The following ADAT2 variants were observed in gnomAD, a reference collection of about 807,000 sequenced individuals.
The protein encoded by ADAT2 is tRNA-specific adenosine-34 deaminase catalytic subunit ADAT2.
ADAT2 carries 26 observed loss-of-function variants against 25.9 expected under a neutral mutation model. That is an observed-to-expected ratio of 1.00 (90% confidence interval 0.74 to 1.39). The LOEUF (loss-of-function observed/expected upper bound fraction) is 1.39. Among genes scored for constraint, ADAT2 ranks in the 40% most tolerant of loss-of-function variants. The pLI is 0.00. For missense variants in ADAT2, 220 were observed against 244.8 expected, an observed-to-expected ratio of 0.90 and a Z score of 0.68; for synonymous variants, 76 against 86.8, an observed-to-expected ratio of 0.88 and a Z score of 0.69.
In ADAT2 at chr6:143,450,686, C is replaced by T. The variant is rs568215408; in HGVS notation, c.-28G>A. ...CCAGCCACCACTCAGCTACAGAGCC[C>T]GCGGCAGAGGAGGAGCGCGGGCAGC... On this transcript the variant is annotated 5_prime_UTR_variant, in exon 1 of 6. Coordinates refer to ENST00000237283, the MANE Select transcript of ADAT2 (RefSeq NM_182503.3). 55 of 1,609,264 alleles carry T rather than the reference C, an allele frequency of 3.4e-5. No individual in the cohort carries two copies. The highest frequency in any genetic ancestry group is 4.4e-5 in the Non-Finnish European group (52 of 1,178,494).
chr6:143,439,681 AG>A (rs780835454), intron 1 of ADAT2, among the ~76,000 whole-genome samples: 16 of 152,200 alleles, frequency 1.1e-4, no homozygotes, highest in Non-Finnish European at 1.5e-4. Flanking sequence ...TTCATGGAGG[AG>A]GATGTGCAGA....
chr6:143,428,449 T>G lies in ADAT2; in HGVS notation c.*14A>C. 1 of 1,612,622 alleles carries G rather than the reference T, an allele frequency of 6.2e-7. No homozygotes were observed. Among genetic ancestry groups the G allele is most frequent in the Non-Finnish European group, 8.5e-7 (1 of 1,179,774 alleles). On this transcript the variant is annotated 3_prime_UTR_variant, in exon 6 of 6. Transcript: ENST00000237283. The surrounding 1 kb of genome is among the most constrained non-coding windows in gnomAD (Gnocchi z 5.0). Reference sequence around the variant, plus strand: ...GGTCACTTTGGGTCACTTGGTTCTTTCATCAGAACATGTTCAAGATTTCTG... The same window carrying G: ...GGTCACTTTGGGTCACTTGGTTCTTGCATCAGAACATGTTCAAGATTTCTG...
chr6:143,443,607 G>A (rs748211631), intron 1 of ADAT2, among the ~76,000 whole-genome samples: 3 of 152,082 alleles, frequency 2.0e-5, no homozygotes, highest in Non-Finnish European at 4.4e-5. Flanking sequence ...AAGGCAGGTG[G>A]ATCATCTTAG....
At position 143,423,831 on chromosome 6, in the gene ADAT2, A is replaced by C. The variant is rs1778850693; in HGVS notation, c.*4632T>G. The C allele has an allele frequency of 6.6e-6, 1 of 152,180 alleles. No homozygotes were observed. Among genetic ancestry groups the C allele is most frequent in the South Asian group, 2.1e-4 (1 of 4,826 alleles). The allele number at this position is 152,180 out of a possible 1,614,324, so 9.4% of individuals were successfully genotyped here. ...ATATTGGGGATGTGGGATTCTCTCTAAACTAGCTTAGCAGGATTCTTGCTA... is the reference window on the plus strand; with the variant it reads ...ATATTGGGGATGTGGGATTCTCTCTCAACTAGCTTAGCAGGATTCTTGCTA... On this transcript the variant is annotated 3_prime_UTR_variant, in exon 6 of 6. Coordinates refer to ENST00000237283, the MANE Select transcript of ADAT2 (RefSeq NM_182503.3).
At chr6:143,449,206 C>A (rs1336412162) in intron 1 of ADAT2, among the ~76,000 whole-genome samples, 1 of 152,112 alleles carries the variant, frequency 6.6e-6, no homozygotes, top group African/African-American at 2.4e-5. Context: ...TGCCACCATG[C>A]CCTACTAATT....
intron 2 of ADAT2, 134 bp downstream of exon 2, chr6:143,438,456 C>T (rs372106046): frequency 2.5e-5 from 13 of 527,076 alleles, no homozygotes; most frequent in South Asian, 2.1e-4. Context: ...AAAAGAGAGA[C>T]GTTAAGAAAA....
rs1779144060 is a variant in ADAT2 at position 143,432,491 on chromosome 6, G to A, written c.459+14C>T. ...AATTAGCAAGAAAGAAAAAGCATAA[G>A]CAGTTTGTATTACCTGAAATGGTCT... On this transcript the variant is annotated intron_variant, in intron 4 of 5. Coordinates refer to ENST00000237283, the MANE Select transcript of ADAT2 (RefSeq NM_182503.3). The surrounding 1 kb of genome is among the most constrained non-coding windows in gnomAD (Gnocchi z 4.4). 6 of 1,604,102 alleles carry A rather than the reference G, an allele frequency of 3.7e-6. No homozygotes were observed. Among genetic ancestry groups the A allele is most frequent in the Non-Finnish European group, 5.1e-6 (6 of 1,170,882 alleles).
Position 143,427,935 on chromosome 6 carries a change from C to T in ADAT2, c.*528G>A, listed in dbSNP as rs936802293. 2.0e-5 allele frequency: 3 copies of T among 152,382 alleles called. No homozygotes were observed. The highest frequency in any genetic ancestry group is 6.5e-5 in the Admixed American group (1 of 15,302). The allele number at this position is 152,382 out of a possible 1,614,324, so 9.4% of individuals were successfully genotyped here. ...ATGCTTTATAAAAGCAAAGTCTTTT[C>T]TAAGGACCATATAATTATGGTCTCT... On this transcript the variant is annotated 3_prime_UTR_variant, in exon 6 of 6. Coordinates refer to ENST00000237283, the MANE Select transcript of ADAT2 (RefSeq NM_182503.3).
chr6:143,438,328 C>T (rs1562641186), intron 2 of ADAT2, among the ~76,000 whole-genome samples: 1 of 152,072 alleles, frequency 6.6e-6, no homozygotes, highest in Non-Finnish European at 1.5e-5. Flanking sequence ...GAGTAAAACT[C>T]TATGAAACAG....
intron 1 of ADAT2, among the ~76,000 whole-genome samples, chr6:143,441,162 T>C (rs193109797): frequency 1.6e-3 from 246 of 152,330 alleles, no homozygotes; most frequent in African/African-American, 5.6e-3. Context: ...TAAACTTGTG[T>C]TGTTTTTAGC....
intron 3 of ADAT2, 102 bp downstream of exon 3, chr6:143,433,729 C>T: frequency 3.2e-6 from 4 of 1,249,490 alleles, no homozygotes; most frequent in South Asian, 2.2e-5. Context: ...AAGGTGTTTC[C>T]TAAGTCTGTG....
At chr6:143,448,332 C>T (rs769119268) in intron 1 of ADAT2, among the ~76,000 whole-genome samples, 6 of 152,056 alleles carry the variant, frequency 3.9e-5, no homozygotes, top group Non-Finnish European at 5.9e-5. Context: ...AGCACACCAA[C>T]ATGGCACATG....
At chr6:143,429,814 C>T (rs894605923) in intron 4 of ADAT2, among the ~76,000 whole-genome samples, 4 of 152,162 alleles carry the variant, frequency 2.6e-5, no homozygotes, top group African/African-American at 7.2e-5. Context: ...CTGTTCAGAA[C>T]GAACCTCCCA....
Position 143,436,836 on chromosome 6 carries a change from C to T in ADAT2, c.201+1754G>A, listed in dbSNP as rs1779301219. The T allele has an allele frequency of 6.6e-6, 1 of 151,420 alleles. No homozygotes were observed. 9.4% of individuals were successfully genotyped at this position (151,420 alleles called of 1,614,324 possible). On this transcript the variant is annotated intron_variant, in intron 2 of 5. Transcript: ENST00000237283. This position sits in a 1 kb window ranked among gnomAD's most constrained non-coding sequence, Gnocchi z 4.1. ...TGCTGTGTGTTCACCTCTATTAAAGCATTTCCATAGTAAAAAAAATAAATA... is the reference window on the plus strand; with the variant it reads ...TGCTGTGTGTTCACCTCTATTAAAGTATTTCCATAGTAAAAAAAATAAATA...
At chr6:143,439,805 C>T (rs1779405315) in intron 1 of ADAT2, among the ~76,000 whole-genome samples, 2 of 152,134 alleles carry the variant, frequency 1.3e-5, no homozygotes, top group Admixed American at 1.3e-4. Flanking sequence ...TTGAAGGATA[C>T]ATTTACAACC....
rs1240423766 is a variant in ADAT2 at position 143,427,264 on chromosome 6, C to A, written c.*1199G>T. The A allele has an allele frequency of 6.6e-6, 1 of 152,660 alleles. No homozygotes were observed. The highest frequency in any genetic ancestry group is 6.5e-5 in the Admixed American group (1 of 15,290). The allele number at this position is 152,660 out of a possible 1,614,324, so 9.5% of individuals were successfully genotyped here. ...TAATTCAAAACAAACAAGTCAGAGA[C>A]ATCGCTCAAATGACAGAACCAACAA... On this transcript the variant is annotated 3_prime_UTR_variant, in exon 6 of 6. Transcript: ENST00000237283.
chr6:143,432,523 G>T lies in ADAT2; in HGVS notation c.441C>A (p.Asn147Lys). Reference sequence around the variant, plus strand: ...GTATTACCTGAAATGGTCTCCCAGTGTTTGGTAGGTCAGCAGAGGCAATAT... The same window carrying T: ...GTATTACCTGAAATGGTCTCCCAGTTTTTGGTAGGTCAGCAGAGGCAATAT... ...VLNIASADLP[N>K]TGRPFQCIPG... is the part of the protein sequence containing the mutation. Residue 147 changes from asparagine (N) to lysine (K), a missense_variant, in exon 4 of 6, where the codon AAC becomes AAA. Transcript: ENST00000237283. The surrounding 1 kb of genome is among the most constrained non-coding windows in gnomAD (Gnocchi z 4.4). 1 of 1,614,152 alleles carries T rather than the reference G, an allele frequency of 6.2e-7. No homozygotes were observed. Among genetic ancestry groups the T allele is most frequent in the Non-Finnish European group, 8.5e-7 (1 of 1,179,990 alleles).
chr6:143,448,182 A>G (rs532025505), intron 1 of ADAT2, among the ~76,000 whole-genome samples: 5 of 152,230 alleles, frequency 3.3e-5, no homozygotes, highest in African/African-American at 1.2e-4. Context: ...GTTCTCACTC[A>G]TAGATGGGAA....
chr6:143,450,126 A>C (rs1779720926), intron 1 of ADAT2, among the ~76,000 whole-genome samples: 1 of 152,172 alleles, frequency 6.6e-6, no homozygotes, highest in Admixed American at 6.5e-5. Flanking sequence ...ATAATGAATG[A>C]ATGCGAGACG....
Sources: gnomAD v4.1 joint callset for allele counts (sites outside exome capture counted in the v4.1 genomes callset) on GRCh38, gnomAD v4.1.1 for gene constraint, Gnocchi (gnomAD v3.1) non-coding constraint, MANE v1.5 for transcripts, NCBI Gene and HGNC (gene_info 2026-07-23, HGNC 2026-07-21) for gene names.